RAD52: variants seen among roughly 807,000 people sequenced by gnomAD.
The protein encoded by RAD52 is DNA repair protein RAD52 homolog.
Under a neutral mutation model 55.5 loss-of-function variants are expected in RAD52, and 47 were observed. The observed-to-expected ratio is 0.85, with a 90% CI of 0.67 to 1.08. RAD52 has a LOEUF of 1.08. Among genes scored for constraint, RAD52 ranks in the 50% least tolerant of loss-of-function variants. The pLI is 0.00. For missense variants in RAD52, 468 were observed against 522.8 expected (o/e 0.90, Z 1.02); for synonymous variants, 184 against 198.9 (o/e 0.92, Z 0.63).
upstream of RAD52, among the ~76,000 whole-genome samples, chr12:951,951 C>CT (rs900786192): frequency 1.3e-5 from 2 of 150,974 alleles, no homozygotes; most frequent in African/African-American, 4.9e-5. Context: ...ATATTGTTTT[C>CT]TTTTTTTTTA....
chr12:926,040 A>C (rs1384577196), intron 6 of RAD52, among the ~76,000 whole-genome samples: 1 of 152,148 alleles, frequency 6.6e-6, no homozygotes, highest in East Asian at 1.9e-4. Flanking sequence ...TTGGATGTTT[A>C]TCCCCTCCAA....
At chr12:989,882 A>G (rs1165924400) in exon 1 of RAD52, 1 of 152,252 alleles carries the variant, frequency 6.6e-6, no homozygotes, top group Non-Finnish European at 1.5e-5. Flanking sequence ...AAAATAGTCA[A>G]AGGATGACTT....
At chr12:928,247 C>T (rs948779622) in intron 5 of RAD52, among the ~76,000 whole-genome samples, 2 of 152,164 alleles carry the variant, frequency 1.3e-5, no homozygotes, top group African/African-American at 4.8e-5. Context: ...TGCGGTGGCT[C>T]ACGCCTGTAA....
chr12:989,495 A>C (rs1959145552), intron 1 of RAD52, among the ~76,000 whole-genome samples: 1 of 152,154 alleles, frequency 6.6e-6, no homozygotes, highest in Non-Finnish European at 1.5e-5. Context: ...AAAAATCCTA[A>C]ACGTAGGTTT....
intron 9 of RAD52, 28 bp from the exon 10 acceptor site, chr12:914,560 A>G: frequency 6.2e-7 from 1 of 1,611,796 alleles, no homozygotes; most frequent in Non-Finnish European, 8.5e-7. Context: ...GAGAAAGGAC[A>G]AGTCATCATC....
At chr12:931,158 TG>T in intron 3 of RAD52, 61 bp downstream of exon 3, 1 of 1,366,976 alleles carries the variant, frequency 7.3e-7, no homozygotes, top group Non-Finnish European at 1.0e-6. Context: ...GAGAGGGAAC[TG>T]GCAAGACCAT....
intron 1 of RAD52, among the ~76,000 whole-genome samples, chr12:968,780 T>C (rs1379438142): frequency 2.0e-5 from 3 of 152,012 alleles, no homozygotes; most frequent in Admixed American, 1.3e-4. Flanking sequence ...AACCTGCCCT[T>C]CCCCATAAGA....
At chr12:982,719 G>A (rs377448345) in intron 1 of RAD52, among the ~76,000 whole-genome samples, 5 of 146,246 alleles carry the variant, frequency 3.4e-5, no homozygotes, top group African/African-American at 1.0e-4. Context: ...AGGCTGGAGC[G>A]CAGTGGTGGG....
intron 1 of RAD52, among the ~76,000 whole-genome samples, chr12:941,698 T>A (rs979985603): frequency 2.0e-5 from 3 of 152,056 alleles, no homozygotes; most frequent in African/African-American, 7.2e-5. Context: ...AATGGCACTA[T>A]CTCAGCTCAC....
At chr12:973,312 A>C (rs540154837) in intron 1 of RAD52, among the ~76,000 whole-genome samples, 2 of 151,746 alleles carry the variant, frequency 1.3e-5, no homozygotes, top group African/African-American at 4.8e-5. Context: ...CTCGTGATCC[A>C]CCCTCCTGGG....
chr12:989,830 A>T (rs535323103), exon 1 of RAD52: 1 of 152,382 alleles, frequency 6.6e-6, no homozygotes, highest in African/African-American at 2.4e-5. Flanking sequence ...GCTAGGGAGT[A>T]ACAAGATGGG....
chr12:971,769 A>G (rs999925018), intron 1 of RAD52, among the ~76,000 whole-genome samples: 6 of 151,052 alleles, frequency 4.0e-5, no homozygotes, highest in Admixed American at 4.0e-4. Context: ...TTTTTTTTTG[A>G]GACGGAGTCT....
intron 7 of RAD52, among the ~76,000 whole-genome samples, chr12:921,710 G>GA (rs1272469771): frequency 1.3e-5 from 2 of 151,146 alleles, no homozygotes; most frequent in Non-Finnish European, 2.9e-5. Context: ...GAGATGAGAT[G>GA]AATAAAAGAA....
chr12:916,772 G>T lies in RAD52; in HGVS notation c.592C>A (p.Pro198Thr). Residue 198 changes from proline (P) to threonine (T), a missense_variant, in exon 8 of 12, where the codon CCG becomes ACG. Pro to Thr is a conservative substitution (Grantham distance 38, BLOSUM62 -1). Transcript: ENST00000358495. ...TTGTATCTTGCCTCCTCCACAGACGGTTCAAGATCTTGTCTCTTCGCTTTA... is the reference window on the plus strand; with the variant it reads ...TTGTATCTTGCCTCCTCCACAGACGTTTCAAGATCTTGTCTCTTCGCTTTA... ...LTKAKRQDLE[P>T]SVEEARYNSC... 6.2e-7 allele frequency: 1 copy of T among 1,613,862 alleles called. No individual in the cohort carries two copies. The highest frequency in any genetic ancestry group is 1.1e-5 in the South Asian group (1 of 91,080).
Position 933,000 on chromosome 12 carries a change from C to T in RAD52, c.59G>A (p.Gly20Asp). Residue 20 changes from glycine to aspartate, a missense_variant, in exon 2 of 12, where the codon GGC (glycine) becomes GAC (aspartate). Gly to Asp is a moderately conservative substitution (Grantham distance 94). Transcript: ENST00000358495. ...GGRDSHPAAG[G>D]GSVLCFGQCQ... ...CTGTCCAAAGCATAACACTGAGCCG[C>T]CGCCAGCAGCAGGATGGCTGTCACG... 6.2e-7 allele frequency: 1 copy of T among 1,614,092 alleles called. No individual in the cohort carries two copies. The highest frequency in any genetic ancestry group is 8.5e-7 in the Non-Finnish European group (1 of 1,180,016).
At chr12:955,271 A>C (rs1287808063) in intron 1 of RAD52, among the ~76,000 whole-genome samples, 2 of 152,224 alleles carry the variant, frequency 1.3e-5, no homozygotes, top group Non-Finnish European at 2.9e-5. Flanking sequence ...ATAAGTAAGA[A>C]TGCAAGGGCA....
At chr12:935,117 AAAT>A (rs1312626878) in intron 1 of RAD52, among the ~76,000 whole-genome samples, 1 of 151,476 alleles carries the variant, frequency 6.6e-6, no homozygotes, top group Admixed American at 6.6e-5. Flanking sequence ...TCCATCTCAA[AAAT>A]AATAATAATA....
intron 1 of RAD52, among the ~76,000 whole-genome samples, chr12:979,617 G>C (rs183273811): frequency 2.2e-4 from 34 of 152,262 alleles, no homozygotes; most frequent in African/African-American, 7.9e-4. Context: ...ACAGTGAGAA[G>C]ATGGCTGTCT....
At chr12:957,574 C>T (rs1161382637) in intron 1 of RAD52, among the ~76,000 whole-genome samples, 1 of 151,444 alleles carries the variant, frequency 6.6e-6, no homozygotes, top group African/African-American at 2.4e-5. Flanking sequence ...TCACTTGAGT[C>T]CAGGAGTTCG....
Sources: allele counts gnomAD v4.1 joint callset (sites outside exome capture counted in the v4.1 genomes callset), GRCh38; gene constraint gnomAD v4.1.1; transcripts MANE v1.5; gene names NCBI Gene and HGNC (gene_info 2026-07-23, HGNC 2026-07-21).